RBKS: variants seen among roughly 807,000 people sequenced by gnomAD.
RBKS encodes ribokinase.
In RBKS, 33 loss-of-function variants were observed where a neutral mutation model predicts 33.9. The ratio of observed to expected loss-of-function variants is 0.97; its 90% CI spans 0.74 to 1.30. The LOEUF (loss-of-function observed/expected upper bound fraction) is 1.30. Ranked by LOEUF, RBKS falls within the 50% of genes most tolerant of loss-of-function variation. The pLI, the probability that RBKS is intolerant of heterozygous loss-of-function variation, is 0.00. For synonymous variants in RBKS, 125 were observed against 143.0 expected (o/e 0.87, Z 0.90); for missense variants, 361 against 392.6 (o/e 0.92, Z 0.68).
chr2:27,861,132 T>G (rs1278033807), intron 1 of RBKS, among the ~76,000 whole-genome samples: 3 of 152,082 alleles, frequency 2.0e-5, no homozygotes, highest in Admixed American at 6.5e-5. Flanking sequence ...CAGGCAAGGC[T>G]AATTTTTGTA....
At chr2:27,853,241 C>A (rs1275407317) in intron 2 of RBKS, among the ~76,000 whole-genome samples, 4 of 151,188 alleles carry the variant, frequency 2.6e-5, no homozygotes. Context: ...TGCTGCATGC[C>A]TGTAGTCTCA....
intron 7 of RBKS, among the ~76,000 whole-genome samples, chr2:27,827,347 A>T (rs1678331218): frequency 6.6e-6 from 1 of 152,234 alleles, no homozygotes; most frequent in African/African-American, 2.4e-5. Flanking sequence ...TTTATGAATG[A>T]GGAAACTACG....
chr2:27,807,538 G>A (rs1021461142), intron 7 of RBKS, among the ~76,000 whole-genome samples: 4 of 151,980 alleles, frequency 2.6e-5, no homozygotes, highest in Non-Finnish European at 1.5e-5. Flanking sequence ...TTGCCACCAC[G>A]CCTGGCTATA....
Position 27,848,069 on chromosome 2 carries a change from TA to T in RBKS, c.250del (p.Tyr84IlefsTer2). 6.6e-7 allele frequency: 1 copy of T among 1,507,984 alleles called. No homozygotes were observed. Among genetic ancestry groups the T allele is most frequent in the Non-Finnish European group, 9.2e-7 (1 of 1,092,180 alleles). The allele number at this position is 1,507,984 out of a possible 1,614,324, so 93.4% of individuals were successfully genotyped here. ...ATCATTCTGTTTTAAGTTTTCTATA[TA>T]ATCATTGCCAAAAGAATCTTTGCCA... Reference protein sequence around the residue: ...KVGKDSFGNDYIENLKQNDIS... With the variant: ...KVGKDSFGNDXIENLKQNDIS... On this transcript the variant is annotated frameshift_variant, in exon 3 of 8. Transcript: ENST00000302188. LOFTEE classifies it high-confidence loss of function.
At chr2:27,883,205 T>A (rs1279899304) in intron 1 of RBKS, among the ~76,000 whole-genome samples, 1 of 151,262 alleles carries the variant, frequency 6.6e-6, no homozygotes, top group East Asian at 1.9e-4. Context: ...GTATTCTTTT[T>A]TTTTTTTTTT....
chr2:27,811,121 G>T (rs1363596324), intron 7 of RBKS, among the ~76,000 whole-genome samples: 1 of 152,146 alleles, frequency 6.6e-6, no homozygotes, highest in Non-Finnish European at 1.5e-5. Flanking sequence ...GCCTCTGCCT[G>T]AGTGCCACTT....
At chr2:27,823,170 A>G (rs1678245123) in intron 7 of RBKS, among the ~76,000 whole-genome samples, 1 of 152,222 alleles carries the variant, frequency 6.6e-6, no homozygotes. Context: ...TGAGATTCAG[A>G]TAACATATAG....
At chr2:27,882,478 G>A (rs953490007) in intron 1 of RBKS, among the ~76,000 whole-genome samples, 2 of 152,296 alleles carry the variant, frequency 1.3e-5, no homozygotes, top group Middle Eastern at 3.4e-3. Flanking sequence ...CACTGTTGGT[G>A]GGAGTGTAAA....
intron 1 of RBKS, among the ~76,000 whole-genome samples, chr2:27,869,048 CAGAG>C (rs1664154170): frequency 6.6e-6 from 1 of 152,076 alleles, no homozygotes; most frequent in Admixed American, 6.5e-5. Flanking sequence ...GAATGAAAAT[CAGAG>C]AGATTACAAA....
At chr2:27,830,318 C>T (rs1253989834) in intron 6 of RBKS, among the ~76,000 whole-genome samples, 1 of 151,858 alleles carries the variant, frequency 6.6e-6, no homozygotes, top group Non-Finnish European at 1.5e-5. Flanking sequence ...GGAGTGCAGC[C>T]GCCTGATCTT....
In RBKS at chr2:27,888,911, A is replaced by G. The variant is rs560114786; in HGVS notation, c.89+1346T>C. 2.0e-5 allele frequency among the ~76,000 whole-genome samples: 3 copies of G among 152,368 alleles called. No individual in the cohort carries two copies. In the East Asian group the frequency reaches 5.8e-4, roughly 29 times the overall value. On this transcript the variant is annotated intron_variant, in intron 1 of 7. Coordinates refer to ENST00000302188, the MANE Select transcript of RBKS (RefSeq NM_022128.3). ...AAAAGATGTACAGGCCTCTTCAACAAATGTCTCCAACTAGATTCAATTTTA... is the reference window on the plus strand; with the variant it reads ...AAAAGATGTACAGGCCTCTTCAACAGATGTCTCCAACTAGATTCAATTTTA...
intron 1 of RBKS, among the ~76,000 whole-genome samples, chr2:27,876,800 T>C (rs1664323774): frequency 6.6e-6 from 1 of 152,126 alleles, no homozygotes; most frequent in Admixed American, 6.5e-5. Flanking sequence ...AAATTAAAAA[T>C]GGTAAATGTT....
chr2:27,889,958 G>T (rs982457456), intron 1 of RBKS: 9 of 316,214 alleles, frequency 2.8e-5, no homozygotes, highest in African/African-American at 1.9e-4. Flanking sequence ...GCCGGGCCAA[G>T]AAAGGTCTTT....
At chr2:27,803,507 T>A (rs752543869) in intron 7 of RBKS, among the ~76,000 whole-genome samples, 1 of 151,112 alleles carries the variant, frequency 6.6e-6, no homozygotes, top group Non-Finnish European at 1.5e-5. Context: ...CTGGGCAACA[T>A]GGTGAGACCC....
Position 27,827,617 on chromosome 2 carries a change from G to A in RBKS, c.745C>T (p.Pro249Ser). ...EGCVVLSQTE[P>S]EPKHIPTEKV... is the part of the protein sequence containing the mutation. ...TCTGTGGGAATGTGCTTTGGCTCAGGTTCTGTCTGTGACAGCACCACACAT... is the reference window on the plus strand; with the variant it reads ...TCTGTGGGAATGTGCTTTGGCTCAGATTCTGTCTGTGACAGCACCACACAT... Residue 249 changes from proline (P) to serine (S), a missense_variant, in exon 7 of 8, where the codon CCT becomes TCT. Pro to Ser is a moderately conservative substitution (Grantham distance 74, BLOSUM62 -1). Transcript: ENST00000302188. 2 of 1,610,342 alleles carry A rather than the reference G, an allele frequency of 1.2e-6. No individual in the cohort carries two copies. The highest frequency in any genetic ancestry group is 1.7e-6 in the Non-Finnish European group (2 of 1,178,608).
chr2:27,849,362 A>T (rs1663687810), intron 2 of RBKS, among the ~76,000 whole-genome samples: 1 of 152,016 alleles, frequency 6.6e-6, no homozygotes, highest in Non-Finnish European at 1.5e-5. Context: ...CAGGAGTTCG[A>T]GGCCAGCCTG....
At chr2:27,792,687 A>T (rs1225562698) in intron 7 of RBKS, among the ~76,000 whole-genome samples, 3 of 151,768 alleles carry the variant, frequency 2.0e-5, no homozygotes, top group Non-Finnish European at 4.4e-5. Flanking sequence ...CGTTCACTTC[A>T]CTGCTGGTTC....
At chr2:27,861,590 C>G (rs1052080322) in intron 1 of RBKS, 1 of 469,664 alleles carries the variant, frequency 2.1e-6, no homozygotes, top group Non-Finnish European at 4.4e-6. Context: ...TTAAACCTAA[C>G]CCTGATGCAA....
At chr2:27,852,969 T>A (rs1476992791) in intron 2 of RBKS, among the ~76,000 whole-genome samples, 2 of 152,214 alleles carry the variant, frequency 1.3e-5, no homozygotes, top group Non-Finnish European at 2.9e-5. Context: ...TTTTAACTTG[T>A]CATTTGTGGC....
Sources: allele counts gnomAD v4.1 joint callset (sites outside exome capture counted in the v4.1 genomes callset), GRCh38; gene constraint gnomAD v4.1.1; transcripts MANE v1.5; gene names NCBI Gene and HGNC (gene_info 2026-07-23, HGNC 2026-07-21).